Variants in ZNF385D observed in about 807,000 individuals in gnomAD.
The protein encoded by ZNF385D is zinc finger protein 659.
In ZNF385D, 15 loss-of-function variants were observed where a neutral mutation model predicts 35.8. The ratio of observed to expected loss-of-function variants is 0.42; its 90% CI spans 0.28 to 0.64. The LOEUF (loss-of-function observed/expected upper bound fraction) is 0.64. Ranked by LOEUF, ZNF385D falls within the 30% of genes least tolerant of loss-of-function variation. ZNF385D has a pLI of 0.23. For synonymous variants in ZNF385D, 212 were observed against 186.8 expected, an observed-to-expected ratio of 1.13 and a Z score of -1.10; for missense variants, 474 against 494.6, an observed-to-expected ratio of 0.96 and a Z score of 0.39.
intron 3 of ZNF385D, among the ~76,000 whole-genome samples, chr3:21,955,961 G>T (rs1305872740): frequency 6.6e-6 from 1 of 152,024 alleles, no homozygotes; most frequent in Non-Finnish European, 1.5e-5. Context: ...CCAGGCATGT[G>T]GTTCACTTGA....
At chr3:21,744,344 C>T (rs980874172) in intron 1 of ZNF385D, among the ~76,000 whole-genome samples, 1 of 152,196 alleles carries the variant, frequency 6.6e-6, no homozygotes, top group Non-Finnish European at 1.5e-5. Flanking sequence ...TCAGAGCAAT[C>T]TGCTACAACC....
chr3:21,458,730 A>T (rs1470759647), intron 4 of ZNF385D, among the ~76,000 whole-genome samples: 3 of 151,418 alleles, frequency 2.0e-5, no homozygotes, highest in South Asian at 4.2e-4. Flanking sequence ...TATTTATAGG[A>T]AATATCCAGC....
chr3:21,851,904 C>T (rs538496512), intron 3 of ZNF385D, among the ~76,000 whole-genome samples: 2 of 152,080 alleles, frequency 1.3e-5, no homozygotes, highest in South Asian at 4.2e-4. Flanking sequence ...GTTGCTCAAC[C>T]TAACACAGTC....
At chr3:21,889,958 T>A (rs1362980710) in intron 3 of ZNF385D, among the ~76,000 whole-genome samples, 1 of 152,132 alleles carries the variant, frequency 6.6e-6, no homozygotes, top group Non-Finnish European at 1.5e-5. Context: ...TGTGTGTGCG[T>A]GTGCCTGTGT....
chr3:21,424,756 TAAAC>T (rs1700935273), intron 6 of ZNF385D, among the ~76,000 whole-genome samples: 1 of 135,292 alleles, frequency 7.4e-6, no homozygotes, highest in African/African-American at 2.8e-5. Flanking sequence ...TACATGCAAA[TAAAC>T]AAAGATGCCC....
In ZNF385D at chr3:21,558,097, T is replaced by G. The variant is rs1000544280; in HGVS notation, c.276+6477A>C. Among the ~76,000 whole-genome samples, 20 of 149,472 alleles carry G rather than the reference T, an allele frequency of 1.3e-4. No homozygotes were observed. The Admixed American group carries it at 1.3e-3, about 10-fold the overall frequency. On this transcript the variant is annotated intron_variant, in intron 3 of 7. Coordinates refer to ENST00000281523, the MANE Select transcript of ZNF385D (RefSeq NM_024697.3). Reference sequence around the variant, plus strand: ...TTGCTGATCTTTTCAAAAAATCAGCTCCTGGATTCATTGATTTTTTTTTTT... The same window carrying G: ...TTGCTGATCTTTTCAAAAAATCAGCGCCTGGATTCATTGATTTTTTTTTTT...
intron 3 of ZNF385D, among the ~76,000 whole-genome samples, chr3:21,932,046 G>T (rs1220312091): frequency 6.6e-6 from 1 of 151,382 alleles, no homozygotes; most frequent in Non-Finnish European, 1.5e-5. Context: ...GGGCACCTGT[G>T]GTCCCAGCTA....
intron 1 of ZNF385D, among the ~76,000 whole-genome samples, chr3:21,737,397 T>A (rs2069295466): frequency 6.6e-6 from 1 of 151,966 alleles, no homozygotes; most frequent in African/African-American, 2.4e-5. Flanking sequence ...ATACGATACA[T>A]AAAACAATAT....
chr3:21,786,440 C>A (rs1311114143), intron 3 of ZNF385D, among the ~76,000 whole-genome samples: 1 of 152,068 alleles, frequency 6.6e-6, no homozygotes, highest in East Asian at 1.9e-4. Context: ...TTTAAACATA[C>A]ACAATTCACA....
chr3:21,778,868 T>C (rs565850205), intron 3 of ZNF385D, among the ~76,000 whole-genome samples: 1 of 152,068 alleles, frequency 6.6e-6, no homozygotes, highest in East Asian at 1.9e-4. Flanking sequence ...ACAAAATCAC[T>C]GTCTGGCACA....
intron 1 of ZNF385D, among the ~76,000 whole-genome samples, chr3:21,732,118 G>A (rs1402053205): frequency 4.6e-5 from 6 of 131,054 alleles, no homozygotes; most frequent in East Asian, 4.8e-4. Context: ...GCAGTGGCGC[G>A]AGCTCACTGC....
chr3:22,299,219 T>C (rs1463693366), intron 2 of ZNF385D, among the ~76,000 whole-genome samples: 1 of 151,894 alleles, frequency 6.6e-6, no homozygotes, highest in Admixed American at 6.6e-5. Flanking sequence ...CTATCAGTTC[T>C]TTTAAGATTA....
chr3:21,870,686 T>C (rs950422164), intron 3 of ZNF385D, among the ~76,000 whole-genome samples: 8 of 152,158 alleles, frequency 5.3e-5, no homozygotes, highest in African/African-American at 1.7e-4. Flanking sequence ...GATAATTTTA[T>C]AAACACTTTT....
At chr3:21,877,142 T>C (rs1019836422) in intron 3 of ZNF385D, among the ~76,000 whole-genome samples, 1 of 152,090 alleles carries the variant, frequency 6.6e-6, no homozygotes, top group Non-Finnish European at 1.5e-5. Flanking sequence ...AAACTTACCA[T>C]GTGGAACACC....
intron 2 of ZNF385D, among the ~76,000 whole-genome samples, chr3:22,213,218 G>A (rs959473359): frequency 2.0e-5 from 3 of 152,048 alleles, no homozygotes; most frequent in Admixed American, 6.6e-5. Flanking sequence ...TTTGACAAAT[G>A]CTTTCTCTCA....
chr3:21,691,016 G>A (rs527889621), intron 1 of ZNF385D, among the ~76,000 whole-genome samples: 1 of 152,220 alleles, frequency 6.6e-6, no homozygotes, highest in East Asian at 1.9e-4. Context: ...TGTGGTCCCT[G>A]AATGTTGTCC....
chr3:22,210,284 C>A (rs1311325398), intron 2 of ZNF385D, among the ~76,000 whole-genome samples: 1 of 151,818 alleles, frequency 6.6e-6, no homozygotes, highest in Non-Finnish European at 1.5e-5. Flanking sequence ...AATGTCTCAA[C>A]AGGGATTTTT....
intron 1 of ZNF385D, among the ~76,000 whole-genome samples, chr3:21,727,743 G>A (rs1451045645): frequency 6.6e-6 from 1 of 152,160 alleles, no homozygotes; most frequent in Non-Finnish European, 1.5e-5. Context: ...AACCACTGTG[G>A]AAAACAGTGT....
At chr3:22,107,114 T>A (rs979029823) in intron 3 of ZNF385D, among the ~76,000 whole-genome samples, 4 of 145,248 alleles carry the variant, frequency 2.8e-5, no homozygotes, top group African/African-American at 1.0e-4. Context: ...AACCTCCACC[T>A]CTTGGATTCA....
Sources: gnomAD v4.1 joint callset for allele counts (sites outside exome capture counted in the v4.1 genomes callset) on GRCh38, gnomAD v4.1.1 for gene constraint, MANE v1.5 for transcripts, NCBI Gene and HGNC (gene_info 2026-07-23, HGNC 2026-07-21) for gene names.